The following SACS variants were observed in gnomAD, a reference collection of about 807,000 sequenced individuals.
The protein encoded by SACS is sacsin molecular chaperone, also known as sacsin.
A neutral mutation model predicts 348.0 loss-of-function variants in SACS; 197 were observed. The observed-to-expected ratio is 0.57, with a 90% CI of 0.50 to 0.64. The LOEUF is 0.64. SACS is among the 30% of genes least tolerant of loss of function. SACS has a pLI of 0.00. For synonymous variants in SACS, 1,985 were observed against 1,910.6 expected, an observed-to-expected ratio of 1.04 and a Z score of -1.02; for missense variants, 4,999 against 5,360.8, an observed-to-expected ratio of 0.93 and a Z score of 2.11.
At chr13:23,356,798 A>T (rs1443132832) in intron 7 of SACS, among the ~76,000 whole-genome samples, 2 of 152,198 alleles carry the variant, frequency 1.3e-5, no homozygotes, top group Admixed American at 6.5e-5. Context: ...GGTTTCCTGC[A>T]AGATGCAACT....
intron 2 of SACS, among the ~76,000 whole-genome samples, chr13:23,406,670 G>GA (rs1172950256): frequency 6.6e-6 from 1 of 152,012 alleles, no homozygotes; most frequent in African/African-American, 2.4e-5. Flanking sequence ...CAAAAAGGGA[G>GA]AATTTTATTA....
intron 1 of SACS, among the ~76,000 whole-genome samples, chr13:23,425,203 G>A (rs985323482): frequency 6.6e-6 from 1 of 151,448 alleles, no homozygotes; most frequent in South Asian, 2.1e-4. Flanking sequence ...GTATTTACCT[G>A]GGGACTAGAC....
intron 4 of SACS, among the ~76,000 whole-genome samples, chr13:23,368,895 T>G (rs899666589): frequency 2.0e-5 from 3 of 152,048 alleles, no homozygotes; most frequent in East Asian, 1.9e-4. Context: ...GAGATGGGGT[T>G]TCACCATGTT....
intron 5 of SACS, 69 bp downstream of exon 5, chr13:23,368,333 T>C (rs1593155587): frequency 1.7e-6 from 2 of 1,195,894 alleles, no homozygotes; most frequent in East Asian, 4.9e-5. Context: ...CTAATAGGAC[T>C]TTCAAGTAAA....
chr13:23,382,360 A>G (rs1593165402), intron 2 of SACS, among the ~76,000 whole-genome samples: 2 of 152,270 alleles, frequency 1.3e-5, no homozygotes, highest in East Asian at 3.9e-4. Context: ...GAAAATTAGG[A>G]ATGGATCCAT....
chr13:23,333,858 T>C lies in SACS; in HGVS notation c.10018A>G (p.Lys3340Glu). ...IQLALNKICS[K>E]DSAFVPLLSC... ...AACAAAGGAACAAATGCACTGTCTT[T>C]GGAACAGATTTTGTTCAAAGCAAGC... Residue 3340 changes from lysine to glutamate, a missense_variant, in exon 10 of 10, where the codon AAA becomes GAA. Physicochemically the swap from Lys to Glu is moderately conservative, Grantham distance 56 (BLOSUM62 1). Transcript: ENST00000382292. 6.2e-7 allele frequency: 1 copy of C among 1,613,880 alleles called. No homozygotes were observed. The highest frequency in any genetic ancestry group is 8.5e-7 in the Non-Finnish European group (1 of 1,179,832).
intron 2 of SACS, among the ~76,000 whole-genome samples, chr13:23,395,952 T>C (rs1251688974): frequency 6.6e-6 from 1 of 152,230 alleles, no homozygotes; most frequent in Admixed American, 6.5e-5. Flanking sequence ...TTTCTACCTC[T>C]GCATGGGATT....
intron 9 of SACS, among the ~76,000 whole-genome samples, chr13:23,344,226 A>G (rs2137659412): frequency 6.6e-6 from 1 of 152,360 alleles, no homozygotes. Context: ...AAAACAAAAA[A>G]TTAAATATAC....
Position 23,337,490 on chromosome 13 carries a change from C to G in SACS, c.6386G>C (p.Gly2129Ala). The G allele has an allele frequency of 6.2e-7, 1 of 1,613,622 alleles. No homozygotes were observed. Among genetic ancestry groups the G allele is most frequent in the Non-Finnish European group, 8.5e-7 (1 of 1,179,818 alleles). The change falls in exon 10 of 10, where the codon GGG becomes GCG. Residue 2129 changes from glycine (G) to alanine (A), a missense_variant. This residue lies in a region of SACS where 3,156 missense variants were observed against 3,380.1 expected (regional missense o/e 0.93). Transcript: ENST00000382292. ...RVAKLFDIKD[G>A]RFPYGSTQDY... ...CTGAGTAGAACCATAAGGGAATCTC[C>G]CATCTTTAATATCAAATAACTTTGC...
chr13:23,373,797 CAA>C (rs35129279), intron 3 of SACS: 9 of 121,110 alleles, frequency 7.4e-5, no homozygotes, highest in Non-Finnish European at 1.1e-4. Flanking sequence ...CTCCGTCTCA[CAA>C]AAAAAAAAAA....
chr13:23,392,985 C>G (rs569192459), intron 2 of SACS, among the ~76,000 whole-genome samples: 1 of 152,114 alleles, frequency 6.6e-6, no homozygotes, highest in African/African-American at 2.4e-5. Context: ...GCACAGACAT[C>G]GGGAGAGGCC....
intron 2 of SACS, among the ~76,000 whole-genome samples, chr13:23,394,088 G>A (rs1872624375): frequency 6.6e-6 from 1 of 152,132 alleles, no homozygotes; most frequent in South Asian, 2.1e-4. Context: ...TAGCTTCCAG[G>A]TGGGGGCTGG....
At position 23,329,864 on chromosome 13, in the gene SACS, A is replaced by G; in HGVS notation, c.*272T>C. On this transcript the variant is annotated 3_prime_UTR_variant, in exon 10 of 10. Transcript: ENST00000382292. ...TCTAACAAACTGCTAAGCTTTGGTTATATAAAGTGCAGTTCAATGATGTAT... is the reference window on the plus strand; with the variant it reads ...TCTAACAAACTGCTAAGCTTTGGTTGTATAAAGTGCAGTTCAATGATGTAT... 3.9e-6 allele frequency: 2 copies of G among 519,140 alleles called. No homozygotes were observed. The highest frequency in any genetic ancestry group is 4.4e-5 in the South Asian group (2 of 45,954). The allele number at this position is 519,140 out of a possible 1,614,324, so 32.2% of individuals were successfully genotyped here. A position where few individuals can be genotyped will look rare whatever the true frequency, so the allele number is the denominator to read the frequency against.
intron 2 of SACS, among the ~76,000 whole-genome samples, chr13:23,388,631 G>A (rs1429019506): frequency 6.7e-6 from 1 of 149,736 alleles, no homozygotes; most frequent in Non-Finnish European, 1.5e-5. Flanking sequence ...ACTCAGGAGT[G>A]GAAAACCAAA....
At chr13:23,349,792 G>A (rs934001306) in intron 9 of SACS, among the ~76,000 whole-genome samples, 2 of 152,158 alleles carry the variant, frequency 1.3e-5, no homozygotes, top group African/African-American at 4.8e-5. Flanking sequence ...GGCTCAGAGA[G>A]GGTAGAAAAT....
At chr13:23,420,856 C>T (rs1372095104) in intron 1 of SACS, among the ~76,000 whole-genome samples, 1 of 152,146 alleles carries the variant, frequency 6.6e-6, no homozygotes, top group Non-Finnish European at 1.5e-5. Flanking sequence ...CTCATGTCCA[C>T]CTGGGGCCGG....
At chr13:23,413,328 T>C (rs536988743) in intron 1 of SACS, among the ~76,000 whole-genome samples, 5 of 152,358 alleles carry the variant, frequency 3.3e-5, no homozygotes, top group African/African-American at 1.2e-4. Flanking sequence ...GACTGCACTT[T>C]CTGCCCATTC....
chr13:23,362,544 C>T (rs1041922767), intron 6 of SACS, among the ~76,000 whole-genome samples: 13 of 150,106 alleles, frequency 8.7e-5, no homozygotes, highest in African/African-American at 2.9e-4. Context: ...ATAAAGAGAT[C>T]AGAGATCACT....
At chr13:23,409,677 A>G (rs1006951332) in intron 2 of SACS, among the ~76,000 whole-genome samples, 14 of 152,156 alleles carry the variant, frequency 9.2e-5, no homozygotes, top group Non-Finnish European at 1.6e-4. Flanking sequence ...TTTTTTTAAA[A>G]AAGACTGATG....
Sources: allele counts gnomAD v4.1 joint callset (sites outside exome capture counted in the v4.1 genomes callset), GRCh38; gene constraint gnomAD v4.1.1; regional missense constraint gnomAD v4.1.1; transcripts MANE v1.5; gene names NCBI Gene and HGNC (gene_info 2026-07-23, HGNC 2026-07-21).